EPG5: variants seen among roughly 807,000 people sequenced by gnomAD.
EPG5 encodes ectopic P-granules 5 autophagy tethering factor.
A neutral mutation model predicts 302.7 loss-of-function variants in EPG5; 159 were observed. The observed-to-expected ratio is 0.53, with a 90% CI of 0.46 to 0.60. The LOEUF (loss-of-function observed/expected upper bound fraction) is 0.60, where lower values mean the gene tolerates loss of function less well. EPG5 is among the 20% of genes least tolerant of loss of function. EPG5 has a pLI of 0.00. For missense variants in EPG5, 2,896 were observed against 3,092.4 expected, an observed-to-expected ratio of 0.94 and a Z score of 1.51; for synonymous variants, 1,158 against 1,136.8, an observed-to-expected ratio of 1.02 and a Z score of -0.37.
chr18:45,906,578 T>TCAC (rs2049756262), intron 24 of EPG5, among the ~76,000 whole-genome samples: 1 of 151,938 alleles, frequency 6.6e-6, no homozygotes. Context: ...AGCTCAAAGG[T>TCAC]CACCACTCCA....
chr18:45,929,673 A>G (rs1314767015), intron 12 of EPG5, among the ~76,000 whole-genome samples: 10 of 152,360 alleles, frequency 6.6e-5, no homozygotes, highest in Admixed American at 5.2e-4. Flanking sequence ...ACTCAAGAGC[A>G]TAAATATTAC....
chr18:45,942,280 T>C (rs369124046), intron 9 of EPG5, among the ~76,000 whole-genome samples: 48 of 152,138 alleles, frequency 3.2e-4, no homozygotes, highest in East Asian at 2.1e-3. Flanking sequence ...ACTTGACTGA[T>C]TTATAAAGCT....
chr18:45,939,804 G>A, intron 9 of EPG5, 49 bp from the exon 10 acceptor site: 2 of 1,519,530 alleles, frequency 1.3e-6, no homozygotes, highest in South Asian at 1.2e-5. Flanking sequence ...CTCAATATCT[G>A]CACCTTTATA....
At chr18:45,913,622 A>G (rs529509018) in intron 21 of EPG5, 84 bp downstream of exon 21, 64 of 1,522,640 alleles carry the variant, frequency 4.2e-5, no homozygotes, top group African/African-American at 1.8e-4. Context: ...ATAAAACACA[A>G]AAGCTCAAAA....
rs778450249 is a variant in EPG5 at position 45,967,269 on chromosome 18, T to C, written c.-30A>G. ...CCTTCCGCGGCGCCGTCACCGTTTG[T>C]TTTTGTCAAACCCCTGCGCTTCAAG... On this transcript the variant is annotated 5_prime_UTR_variant, in exon 1 of 44. Transcript: ENST00000282041. 1 of 1,564,162 alleles carries C rather than the reference T, an allele frequency of 6.4e-7. No individual in the cohort carries two copies. The highest frequency in any genetic ancestry group is 1.4e-5 in the African/African-American group (1 of 73,452).
At chr18:45,906,468 C>T (rs1423952086) in intron 24 of EPG5, among the ~76,000 whole-genome samples, 1 of 152,044 alleles carries the variant, frequency 6.6e-6, no homozygotes, top group East Asian at 1.9e-4. Flanking sequence ...TATGTCGCTG[C>T]ACATACTGGT....
Position 45,929,963 on chromosome 18 carries a change from T to C in EPG5, c.2412+713A>G, listed in dbSNP as rs1409191100. 3.3e-5 allele frequency among the ~76,000 whole-genome samples: 5 copies of C among 152,222 alleles called. No homozygotes were observed. The East Asian group carries it at 9.6e-4, about 29-fold the overall frequency. On this transcript the variant is annotated intron_variant, in intron 12 of 43. Coordinates refer to ENST00000282041, the MANE Select transcript of EPG5 (RefSeq NM_020964.3). ...TTTACTTGAGCACACTAGAATACTT[T>C]GGAGGAGATATTTTGTATGCAGATA...
rs2048413224 is a variant in EPG5, at chr18:45,850,793, GA to G, written c.*1673del. 1 of 152,502 alleles carries G rather than the reference GA, an allele frequency of 6.6e-6. No individual in the cohort carries two copies. The highest frequency in any genetic ancestry group is 1.5e-5 in the Non-Finnish European group (1 of 68,000). The allele number at this position is 152,502 out of a possible 1,614,324, so 9.4% of individuals were successfully genotyped here. The stretch of plus-strand genomic sequence containing the variant: ...TATCAGTAATTATATCCTCCTCAAA[GA>G]AAACACAAAATATTTCCAAACAAAA... On this transcript the variant is annotated 3_prime_UTR_variant, in exon 44 of 44. Transcript: ENST00000282041.
In EPG5 at chr18:45,856,324, T is replaced by G. The variant is rs144582471; in HGVS notation, c.7443-637A>C. Among the ~76,000 whole-genome samples, 354 of 152,350 alleles carry G rather than the reference T, an allele frequency of 2.3e-3. 1 individual carries two copies. Among genetic ancestry groups the G allele is most frequent in the Non-Finnish European group, 4.1e-3 (277 of 68,034 alleles). On this transcript the variant is annotated intron_variant, in intron 42 of 43. Transcript: ENST00000282041. ...CACACATTATATGATTCCATTTATA[T>G]GAAATGTCCAAAATAGGATTCAATA... is the stretch of plus-strand genomic sequence containing the variant.
chr18:45,857,790 G>C, intron 42 of EPG5, 63 bp downstream of exon 42: 2 of 1,342,898 alleles, frequency 1.5e-6, no homozygotes, highest in East Asian at 2.3e-5. Context: ...ATCACAACCT[G>C]TAAGTAGGTA....
chr18:45,856,808 T>G lies in EPG5; in HGVS notation c.7442+1045A>C, dbSNP rs561530701. On this transcript the variant is annotated intron_variant, in intron 42 of 43. Coordinates refer to ENST00000282041, the MANE Select transcript of EPG5 (RefSeq NM_020964.3). ...GAAACCATGATGTAAGTAAGTATTA[T>G]GAGAGAAAACAGGAGCTAATGGCAA... Among the ~76,000 whole-genome samples the G allele has an allele frequency of 9.8e-5, 15 of 152,352 alleles. No homozygotes were observed. The East Asian group carries it at 2.7e-3, about 27-fold the overall frequency.
At chr18:45,865,072 G>T (rs2048717524) in intron 39 of EPG5, among the ~76,000 whole-genome samples, 1 of 152,172 alleles carries the variant, frequency 6.6e-6, no homozygotes, top group Admixed American at 6.5e-5. Context: ...GGTGACAGCA[G>T]CCTCAGAACT....
At chr18:45,966,168 C>A (rs891874166) in intron 1 of EPG5, among the ~76,000 whole-genome samples, 1 of 151,274 alleles carries the variant, frequency 6.6e-6, no homozygotes, top group South Asian at 2.1e-4. Flanking sequence ...GTCAGGAGAT[C>A]GAGACCATCC....
downstream of EPG5, among the ~76,000 whole-genome samples, chr18:45,846,114 A>G (rs1479734728): frequency 6.6e-6 from 1 of 152,084 alleles, no homozygotes; most frequent in East Asian, 1.9e-4. Flanking sequence ...TTTAGACAAG[A>G]GTCAAGCGTC....
chr18:45,838,337 A>G, the EPG5 span, among the ~76,000 whole-genome samples: 1 of 152,064 alleles, frequency 6.6e-6, no homozygotes, highest in African/African-American at 2.4e-5. Flanking sequence ...CTGATATACA[A>G]AGATGCCTGA....
intron 27 of EPG5, among the ~76,000 whole-genome samples, chr18:45,896,570 G>T (rs1277487177): frequency 1.3e-5 from 2 of 151,300 alleles, no homozygotes; most frequent in Non-Finnish European, 2.9e-5. Flanking sequence ...CTTGAGACAG[G>T]GTCTCACTCT....
the EPG5 span, chr18:45,838,448 G>A: frequency 3.8e-6 from 2 of 527,876 alleles, no homozygotes; most frequent in Non-Finnish European, 6.5e-6. Flanking sequence ...CCGGGACCTA[G>A]TCCAAGCACC....
At chr18:45,801,619 A>C in the EPG5 span, among the ~76,000 whole-genome samples, 1 of 152,114 alleles carries the variant, frequency 6.6e-6, no homozygotes, top group Non-Finnish European at 1.5e-5. Flanking sequence ...CCCTCTTGTC[A>C]TTCCTGTCAG....
the EPG5 span, among the ~76,000 whole-genome samples, chr18:45,831,883 G>A: frequency 9.8e-4 from 149 of 152,250 alleles, no homozygotes; most frequent in Admixed American, 4.4e-3. Context: ...GATTATAGAC[G>A]TGCACCACTG....
Sources: gnomAD v4.1 joint callset for allele counts (sites outside exome capture counted in the v4.1 genomes callset) on GRCh38, gnomAD v4.1.1 for gene constraint, MANE v1.5 for transcripts, NCBI Gene and HGNC (gene_info 2026-07-23, HGNC 2026-07-21) for gene names.